Variants in SSH1 observed in about 807,000 individuals in gnomAD.
SSH1 encodes slingshot protein phosphatase 1.
A neutral mutation model predicts 79.7 loss-of-function variants in SSH1; 43 were observed. That is an observed-to-expected ratio of 0.54 (90% CI 0.42 to 0.70). SSH1 has a LOEUF of 0.70. Ranked by LOEUF, SSH1 falls within the 30% of genes least tolerant of loss-of-function variation. The pLI is 0.00. For synonymous variants in SSH1, 599 were observed against 538.3 expected (o/e 1.11, Z -1.56); for missense variants, 1,206 against 1,358.8 (o/e 0.89, Z 1.77).
intron 9 of SSH1, among the ~76,000 whole-genome samples, chr12:108,805,517 T>G (rs1166966061): frequency 6.6e-6 from 1 of 152,190 alleles, no homozygotes; most frequent in Non-Finnish European, 1.5e-5. Context: ...CAGTTCTATC[T>G]TTCTTGGAAA....
chr12:108,828,763 A>G (rs1281920570), intron 2 of SSH1, among the ~76,000 whole-genome samples: 1 of 152,190 alleles, frequency 6.6e-6, no homozygotes, highest in East Asian at 1.9e-4. Context: ...ATAGAGGCTA[A>G]GGAGTTCTGT....
At chr12:108,827,129 A>T in intron 2 of SSH1, 1 of 766,078 alleles carries the variant, frequency 1.3e-6, no homozygotes, top group Non-Finnish European at 2.0e-6. Flanking sequence ...AAGTTTCTCC[A>T]AAGCATTGAA....
intron 5 of SSH1, among the ~76,000 whole-genome samples, chr12:108,812,713 A>G (rs1433612841): frequency 6.6e-6 from 1 of 152,264 alleles, no homozygotes; most frequent in Non-Finnish European, 1.5e-5. Flanking sequence ...AGCCAGGAGC[A>G]TGGAACAGGG....
chr12:108,808,573 C>T (rs1369821345), intron 7 of SSH1, among the ~76,000 whole-genome samples: 1 of 152,100 alleles, frequency 6.6e-6, no homozygotes, highest in Non-Finnish European at 1.5e-5. Context: ...AACCTAAGAC[C>T]CACAATTAAG....
chr12:108,800,683 C>A (rs1173222442), intron 12 of SSH1, 97 bp downstream of exon 12: 9 of 1,502,240 alleles, frequency 6.0e-6, no homozygotes, highest in Non-Finnish European at 8.3e-6. Flanking sequence ...TCCCCCCTCC[C>A]ACCAGCCGAC....
chr12:108,854,993 T>C (rs868577570), intron 1 of SSH1, among the ~76,000 whole-genome samples: 6 of 152,260 alleles, frequency 3.9e-5, no homozygotes, highest in African/African-American at 1.4e-4. Context: ...AGCTTTGCTA[T>C]GATCAAATAA....
At chr12:108,813,995 G>A (rs2037762127) in intron 5 of SSH1, among the ~76,000 whole-genome samples, 1 of 152,088 alleles carries the variant, frequency 6.6e-6, no homozygotes, top group African/African-American at 2.4e-5. Flanking sequence ...AGGCCGAGGA[G>A]GGTGGATCAC....
rs545500305 is a variant in SSH1 at position 108,852,355 on chromosome 12, A to G, written c.110+283T>C. On this transcript the variant is annotated intron_variant, in intron 2 of 14. Transcript: ENST00000326495. ...GCGATTCCCCCGCCTCAGCCCCCCA[A>G]GTAGCTGGGACTACAAGCACACACT... 3.2e-4 allele frequency among the ~76,000 whole-genome samples: 48 copies of G among 151,734 alleles called. 1 individual carries two copies. The highest frequency in any genetic ancestry group is 1.1e-3 in the African/African-American group (47 of 41,358).
At chr12:108,802,189 C>A in intron 11 of SSH1, 133 bp downstream of exon 11, 4 of 749,244 alleles carry the variant, frequency 5.3e-6, no homozygotes, top group East Asian at 2.6e-5. Flanking sequence ...CACATCAACC[C>A]CTGGCAGCCA....
intron 10 of SSH1, among the ~76,000 whole-genome samples, chr12:108,803,188 T>C (rs997833081): frequency 1.3e-5 from 2 of 152,144 alleles, no homozygotes; most frequent in Admixed American, 6.5e-5. Flanking sequence ...AAAATAAATA[T>C]GCCAAAATGT....
At chr12:108,806,128 C>A (rs2037259300) in intron 9 of SSH1, among the ~76,000 whole-genome samples, 173 bp downstream of exon 9, 1 of 152,092 alleles carries the variant, frequency 6.6e-6, no homozygotes, top group South Asian at 2.1e-4. Flanking sequence ...TGGAGTCTGA[C>A]TCCGAGGCCT....
intron 2 of SSH1, chr12:108,836,956 C>A: frequency 1.9e-6 from 1 of 526,078 alleles, no homozygotes; most frequent in East Asian, 5.5e-5. Flanking sequence ...CATGGTCGAC[C>A]GCAGTGGCTC....
chr12:108,837,617 T>C (rs2038670541), intron 2 of SSH1, among the ~76,000 whole-genome samples: 2 of 152,198 alleles, frequency 1.3e-5, no homozygotes, highest in South Asian at 4.1e-4. Flanking sequence ...TTAACGAGAA[T>C]TTTTTATCGA....
chr12:108,802,537 G>T (rs989090313), intron 10 of SSH1, among the ~76,000 whole-genome samples, 169 bp from the exon 11 acceptor site: 12 of 152,164 alleles, frequency 7.9e-5, no homozygotes, highest in African/African-American at 2.9e-4. Context: ...ATTCCTGAGT[G>T]AGTACTCAGA....
At chr12:108,816,144 C>G (rs1007680082) in intron 5 of SSH1, among the ~76,000 whole-genome samples, 1 of 152,182 alleles carries the variant, frequency 6.6e-6, no homozygotes, top group African/African-American at 2.4e-5. Flanking sequence ...GTGCTCTCAA[C>G]AGTCACCCCC....
intron 12 of SSH1, among the ~76,000 whole-genome samples, chr12:108,800,462 T>C (rs1184975469): frequency 6.6e-6 from 1 of 152,140 alleles, no homozygotes; most frequent in Non-Finnish European, 1.5e-5. Flanking sequence ...TATCTGGGGC[T>C]TGCCTGGAAT....
chr12:108,830,439 G>A (rs2038445866), intron 2 of SSH1, among the ~76,000 whole-genome samples: 1 of 152,164 alleles, frequency 6.6e-6, no homozygotes, highest in African/African-American at 2.4e-5. Context: ...ACTCCAGCCT[G>A]GATGAGAGTG....
At chr12:108,852,451 C>T (rs561644180) in intron 2 of SSH1, among the ~76,000 whole-genome samples, 187 bp downstream of exon 2, 1 of 151,890 alleles carries the variant, frequency 6.6e-6, no homozygotes, top group South Asian at 2.1e-4. Flanking sequence ...AGGATGGTCT[C>T]GATCTCCTGA....
intron 2 of SSH1, 30 bp from the exon 3 acceptor site, chr12:108,823,391 G>C: frequency 6.5e-7 from 1 of 1,533,616 alleles, no homozygotes; most frequent in Non-Finnish European, 8.9e-7. Flanking sequence ...AGCACAGTTA[G>C]ACCGGAATTC....
Sources: allele counts gnomAD v4.1 joint callset (sites outside exome capture counted in the v4.1 genomes callset), GRCh38; gene constraint gnomAD v4.1.1; transcripts MANE v1.5; gene names NCBI Gene and HGNC (gene_info 2026-07-23, HGNC 2026-07-21).